The following RBM20 variants were observed in gnomAD, a reference collection of about 807,000 sequenced individuals.
RBM20 encodes the protein RNA-binding protein 20.
In RBM20, 51 loss-of-function variants were observed where a neutral mutation model predicts 110.1. That is an observed-to-expected ratio of 0.46 (90% CI 0.37 to 0.59). The LOEUF is 0.59. RBM20 is among the 20% of genes least tolerant of loss of function. The probability of loss-of-function intolerance (pLI) is 0.00; values close to 1 mark genes in which losing one functional copy is unlikely to be tolerated. For missense variants in RBM20, 1,512 were observed against 1,574.9 expected, an observed-to-expected ratio of 0.96 and a Z score of 0.68; for synonymous variants, 589 against 618.2, an observed-to-expected ratio of 0.95 and a Z score of 0.70.
intron 1 of RBM20, among the ~76,000 whole-genome samples, chr10:110,698,196 C>T (rs941866234): frequency 6.6e-6 from 1 of 152,208 alleles, no homozygotes; most frequent in African/African-American, 2.4e-5. Context: ...GCGTGAGCCA[C>T]CGCGCCCGGC....
intron 9 of RBM20, 104 bp from the exon 10 acceptor site, chr10:110,819,968 A>C: frequency 1.5e-6 from 1 of 662,184 alleles, no homozygotes; most frequent in Non-Finnish European, 2.5e-6. Flanking sequence ...GCTGTATGTG[A>C]AACCTATCTG....
At chr10:110,672,315 ATCCGCTT>A (rs755530467) in intron 1 of RBM20, among the ~76,000 whole-genome samples, 1 of 152,048 alleles carries the variant, frequency 6.6e-6, no homozygotes, top group Non-Finnish European at 1.5e-5. Context: ...CCCCTTCTTA[ATCCGCTT>A]TCTGCTGAGC....
intron 1 of RBM20, among the ~76,000 whole-genome samples, chr10:110,667,527 C>T (rs1187625378): frequency 1.3e-5 from 2 of 152,178 alleles, no homozygotes; most frequent in Non-Finnish European, 2.9e-5. Flanking sequence ...CCAGCTTGAA[C>T]TTTGCCAGCT....
At chr10:110,748,699 C>T (rs1843816014) in intron 1 of RBM20, among the ~76,000 whole-genome samples, 1 of 152,312 alleles carries the variant, frequency 6.6e-6, no homozygotes. Flanking sequence ...CTCTCTCGCT[C>T]TCTGTGTGTG....
intron 12 of RBM20, among the ~76,000 whole-genome samples, chr10:110,825,126 T>C (rs1885792): frequency 1 from 152,186 of 152,210 alleles, 76,081 homozygotes; most frequent in Non-Finnish European, 1. Context: ...AAATACTAAC[T>C]TTAGAATAAA....
At chr10:110,660,349 C>G (rs1303289503) in intron 1 of RBM20, among the ~76,000 whole-genome samples, 1 of 152,190 alleles carries the variant, frequency 6.6e-6, no homozygotes, top group Non-Finnish European at 1.5e-5. Context: ...GAACCCATCT[C>G]TTCCCATCCA....
intron 1 of RBM20, chr10:110,756,507 T>G (rs1843923277): frequency 6.6e-6 from 1 of 152,212 alleles, no homozygotes; most frequent in South Asian, 2.1e-4. Flanking sequence ...GCTCACGAGG[T>G]TTGATGTGGC....
At chr10:110,767,722 C>T (rs909482638) in intron 1 of RBM20, among the ~76,000 whole-genome samples, 2 of 151,094 alleles carry the variant, frequency 1.3e-5, no homozygotes, top group African/African-American at 2.4e-5. Context: ...CCCCACATCT[C>T]AGACGATGGG....
intron 7 of RBM20, among the ~76,000 whole-genome samples, chr10:110,806,946 C>T (rs898347621): frequency 6.6e-6 from 1 of 152,166 alleles, no homozygotes; most frequent in African/African-American, 2.4e-5. Flanking sequence ...ATTTGAAAAT[C>T]TTTGGCTACT....
intron 1 of RBM20, among the ~76,000 whole-genome samples, chr10:110,706,618 C>T (rs888027689): frequency 1.3e-5 from 2 of 152,178 alleles, no homozygotes; most frequent in Non-Finnish European, 2.9e-5. Flanking sequence ...CTATTCTGGT[C>T]TCTCTTGGGA....
intron 5 of RBM20, among the ~76,000 whole-genome samples, chr10:110,794,779 A>T (rs1471214603): frequency 1.3e-5 from 2 of 152,196 alleles, no homozygotes; most frequent in African/African-American, 4.8e-5. Flanking sequence ...TTTAATTGAG[A>T]CCCATTCACT....
At chr10:110,835,618 A>C (rs1020847580) in intron 13 of RBM20, 1 of 279,344 alleles carries the variant, frequency 3.6e-6, no homozygotes, top group African/African-American at 2.2e-5. Context: ...TACAGGTGTG[A>C]GACACCACGC....
At chr10:110,676,833 G>T (rs1862346892) in intron 1 of RBM20, among the ~76,000 whole-genome samples, 1 of 152,104 alleles carries the variant, frequency 6.6e-6, no homozygotes, top group Non-Finnish European at 1.5e-5. Flanking sequence ...TAAATTTGTG[G>T]ATGCAAGAGG....
At chr10:110,742,580 T>G (rs1431022736) in intron 1 of RBM20, among the ~76,000 whole-genome samples, 1 of 152,202 alleles carries the variant, frequency 6.6e-6, no homozygotes, top group Non-Finnish European at 1.5e-5. Context: ...GAACCCAGGA[T>G]TTTTTTCTTT....
Position 110,760,425 on chromosome 10 carries a change from C to CTTTTTTTTTT in RBM20, c.192-20357_192-20348dup, listed in dbSNP as rs541027608. Reference sequence around the variant, plus strand: ...TATTAGCCCAGCTGAATTCCATCATCTTTTTTTTTTTTTTTTTTTTTTTTT... The same window carrying CTTTTTTTTTT: ...TATTAGCCCAGCTGAATTCCATCATCTTTTTTTTTTTTTTTTTTTTTTTTTTTTTTTTTTT... On this transcript the variant is annotated intron_variant, in intron 1 of 13. Transcript: ENST00000369519. Among the ~76,000 whole-genome samples the CTTTTTTTTTT allele has an allele frequency of 1.7e-3, 97 of 57,878 alleles. 9 individuals carry two copies. The highest frequency in any genetic ancestry group is 2.4e-3 in the Non-Finnish European group (79 of 32,554). The allele number at this position is 57,878 out of a possible 152,430, so 38.0% of individuals were successfully genotyped here.
chr10:110,717,301 G>C (rs916631569), intron 1 of RBM20, among the ~76,000 whole-genome samples: 3 of 152,122 alleles, frequency 2.0e-5, no homozygotes, highest in African/African-American at 4.8e-5. Flanking sequence ...TAGAAGTACT[G>C]TTGGGACCTT....
At chr10:110,761,670 C>T (rs2135003099) in intron 1 of RBM20, among the ~76,000 whole-genome samples, 1 of 152,346 alleles carries the variant, frequency 6.6e-6, no homozygotes, top group Admixed American at 6.5e-5. Context: ...ATACCACTGC[C>T]AGTTGCCTCC....
chr10:110,771,154 G>T (rs71481110), intron 1 of RBM20, among the ~76,000 whole-genome samples: 6,271 of 151,702 alleles, frequency 0.041, 139 homozygotes, highest in East Asian at 0.053. Flanking sequence ...TTTTTTTTTG[G>T]TTTTTTTTGT....
intron 6 of RBM20, 114 bp downstream of exon 6, chr10:110,797,762 C>A: frequency 8.8e-7 from 1 of 1,134,234 alleles, no homozygotes; most frequent in Non-Finnish European, 1.2e-6. Flanking sequence ...GATGCCGTAG[C>A]TGGCCTTCTG....
Sources: gnomAD v4.1 joint callset for allele counts (sites outside exome capture counted in the v4.1 genomes callset) on GRCh38, gnomAD v4.1.1 for gene constraint, MANE v1.5 for transcripts, NCBI Gene and HGNC (gene_info 2026-07-23, HGNC 2026-07-21) for gene names.